RAD51: variants seen among roughly 807,000 people sequenced by gnomAD.
RAD51 encodes DNA repair protein RAD51 homolog 1.
RAD51 carries 14 observed loss-of-function variants against 41.5 expected under a neutral mutation model. The ratio of observed to expected loss-of-function variants is 0.34; its 90% CI spans 0.22 to 0.53. The LOEUF (loss-of-function observed/expected upper bound fraction) is 0.53, where lower values mean the gene tolerates loss of function less well. Among genes scored for constraint, RAD51 ranks in the 20% least tolerant of loss-of-function variants. The pLI is 0.95. For missense variants in RAD51, 234 were observed against 422.0 expected, an observed-to-expected ratio of 0.55 and a Z score of 3.90; for synonymous variants, 136 against 148.6, an observed-to-expected ratio of 0.92 and a Z score of 0.62.
chr15:40,695,515 T>G (rs557906086), intron 1 of RAD51, 90 bp downstream of exon 1: 1 of 152,016 alleles, frequency 6.6e-6, no homozygotes, highest in East Asian at 2.0e-4. Context: ...TCAGCGGCAG[T>G]TGGGGCCTCC....
intron 5 of RAD51, among the ~76,000 whole-genome samples, chr15:40,710,501 CAAAAAAAAAAAAA>C (rs747933816): frequency 6.2e-4 from 30 of 48,766 alleles, no homozygotes; most frequent in African/African-American, 1.6e-3. Context: ...GACTCTGTCT[CAAAAAAAAAAAAA>C]AAAAAAAAAA....
intron 6 of RAD51, among the ~76,000 whole-genome samples, chr15:40,726,765 T>C (rs1896605979): frequency 6.6e-6 from 1 of 151,786 alleles, no homozygotes; most frequent in South Asian, 2.1e-4. Context: ...ATAAAAAAAT[T>C]AGCCAGGCGT....
At chr15:40,698,719 C>G (rs369650758) in intron 1 of RAD51, 38 bp from the exon 2 acceptor site, 2 of 1,568,250 alleles carry the variant, frequency 1.3e-6, no homozygotes, top group African/African-American at 1.4e-5. Context: ...CACCTTATTT[C>G]TCTAGTGTTT....
At chr15:40,710,172 G>A (rs1284877734) in intron 5 of RAD51, among the ~76,000 whole-genome samples, 2 of 144,022 alleles carry the variant, frequency 1.4e-5, no homozygotes, top group Non-Finnish European at 3.0e-5. Flanking sequence ...AACCCGGGAG[G>A]CACAGCTTGC....
chr15:40,729,735 C>G (rs1224871274), intron 8 of RAD51, 101 bp downstream of exon 8: 2 of 1,608,064 alleles, frequency 1.2e-6, no homozygotes, highest in African/African-American at 2.7e-5. Context: ...GATCATCAAG[C>G]TCTTAGGAAG....
intron 3 of RAD51, among the ~76,000 whole-genome samples, chr15:40,704,325 A>G (rs1434274362): frequency 6.7e-6 from 1 of 148,780 alleles, no homozygotes; most frequent in Admixed American, 6.7e-5. Context: ...CAGCCTCCCA[A>G]AGTGCTGGGA....
Position 40,731,104 on chromosome 15 carries a change from G to C in RAD51, c.946G>C (p.Asp316His). The C allele has an allele frequency of 1.2e-6, 2 of 1,614,088 alleles. No individual in the cohort carries two copies. Among genetic ancestry groups the C allele is most frequent in the Non-Finnish European group, 1.7e-6 (2 of 1,179,998 alleles). ...RGETRICKIY[D>H]SPCLPEAEAM... ...GGAAACCAGAATCTGCAAAATCTACGACTCTCCCTGTCTTCCTGAAGCTGA... is the reference window on the plus strand; with the variant it reads ...GGAAACCAGAATCTGCAAAATCTACCACTCTCCCTGTCTTCCTGAAGCTGA... Residue 316 changes from aspartate to histidine, a missense_variant, in exon 10 of 10, where the codon GAC becomes CAC. Physicochemically the swap from Asp to His is moderately conservative, Grantham distance 81. This residue lies in a region of RAD51 where 134 missense variants were observed against 286.5 expected (regional missense o/e 0.47). Coordinates refer to ENST00000267868, the MANE Select transcript of RAD51 (RefSeq NM_002875.5).
chr15:40,711,211 A>G (rs559885020), intron 5 of RAD51, among the ~76,000 whole-genome samples: 2 of 152,312 alleles, frequency 1.3e-5, no homozygotes, highest in Admixed American at 1.3e-4. Context: ...CCTGGGCAAC[A>G]TAGTGAGACC....
intron 3 of RAD51, 114 bp downstream of exon 3, chr15:40,701,315 C>A: frequency 8.9e-7 from 1 of 1,120,018 alleles, no homozygotes; most frequent in Non-Finnish European, 1.3e-6. Context: ...ATTATCCTTT[C>A]CAGGGGTGAC....
At chr15:40,706,097 TTA>T (rs201852060) in intron 3 of RAD51, 78 bp from the exon 4 acceptor site, 34 of 993,908 alleles carry the variant, frequency 3.4e-5, no homozygotes, top group South Asian at 4.1e-5. Context: ...TCTTTTTTCT[TTA>T]TATATATTTT....
intron 5 of RAD51, among the ~76,000 whole-genome samples, chr15:40,713,619 T>C (rs1408012198): frequency 6.6e-6 from 1 of 151,138 alleles, no homozygotes; most frequent in Admixed American, 6.6e-5. Context: ...TTTTTTTTTT[T>C]TTTTTGAGGC....
At chr15:40,716,805 T>C (rs1391127242) in intron 5 of RAD51, among the ~76,000 whole-genome samples, 1 of 151,106 alleles carries the variant, frequency 6.6e-6, no homozygotes, top group Non-Finnish European at 1.5e-5. Flanking sequence ...GGACTACAGG[T>C]GGCCGCCACC....
intron 6 of RAD51, among the ~76,000 whole-genome samples, chr15:40,724,437 A>G (rs952381283): frequency 4.6e-5 from 7 of 152,160 alleles, no homozygotes; most frequent in Non-Finnish European, 4.4e-5. Context: ...TTGGTCACCT[A>G]TTGGATGCCC....
intron 2 of RAD51, among the ~76,000 whole-genome samples, chr15:40,700,632 A>G (rs1461391600): frequency 2.0e-5 from 3 of 152,168 alleles, no homozygotes; most frequent in African/African-American, 7.2e-5. Context: ...CTAGTTTAAA[A>G]TTATTGATTT....
chr15:40,702,969 C>A (rs566974631), intron 3 of RAD51, among the ~76,000 whole-genome samples: 1 of 152,310 alleles, frequency 6.6e-6, no homozygotes, highest in South Asian at 2.1e-4. Context: ...ACTATAGGCA[C>A]ATGCCACTAG....
chr15:40,707,449 G>C (rs1280559795), intron 4 of RAD51, among the ~76,000 whole-genome samples: 1 of 152,100 alleles, frequency 6.6e-6, no homozygotes, highest in East Asian at 1.9e-4. Context: ...TGGGACTACA[G>C]GCAAGTGCCA....
chr15:40,720,398 T>G (rs1287607043), intron 6 of RAD51, among the ~76,000 whole-genome samples: 1 of 152,090 alleles, frequency 6.6e-6, no homozygotes, highest in Non-Finnish European at 1.5e-5. Context: ...GGTGAAATTC[T>G]GAATGCTTTT....
At chr15:40,728,658 T>C in intron 6 of RAD51, 53 bp from the exon 7 acceptor site, 1 of 1,435,496 alleles carries the variant, frequency 7.0e-7, no homozygotes, top group South Asian at 1.1e-5. Flanking sequence ...AACAAATTGC[T>C]CATCTGCCTG....
intron 1 of RAD51, 102 bp from the exon 2 acceptor site, chr15:40,698,655 T>G (rs547829024): frequency 8.7e-7 from 1 of 1,153,346 alleles, no homozygotes; most frequent in East Asian, 2.4e-5. Context: ...GGCCTTGGCT[T>G]TTCCTAAAGT....
Sources: allele counts gnomAD v4.1 joint callset (sites outside exome capture counted in the v4.1 genomes callset), GRCh38; gene constraint gnomAD v4.1.1; regional missense constraint gnomAD v4.1.1; transcripts MANE v1.5; gene names NCBI Gene and HGNC (gene_info 2026-07-23, HGNC 2026-07-21).